Variants in DDAH1 observed in about 807,000 individuals in gnomAD.
DDAH1 encodes the protein dimethylarginine dimethylaminohydrolase 1, also known as N(G),N(G)-dimethylarginine dimethylaminohydrolase 1.
A neutral mutation model predicts 28.8 loss-of-function variants in DDAH1; 19 were observed. The ratio of observed to expected loss-of-function variants is 0.66; its 90% CI spans 0.46 to 0.97. The LOEUF (loss-of-function observed/expected upper bound fraction) is 0.97, where lower values mean the gene tolerates loss of function less well. DDAH1 is among the 50% of genes least tolerant of loss of function. The probability of loss-of-function intolerance (pLI) is 0.00; values close to 1 mark genes in which losing one functional copy is unlikely to be tolerated. For missense variants in DDAH1, 326 were observed against 375.9 expected, an observed-to-expected ratio of 0.87 and a Z score of 1.10; for synonymous variants, 153 against 154.4, an observed-to-expected ratio of 0.99 and a Z score of 0.07.
At chr1:85,378,625 T>C (rs1570457352) in intron 1 of DDAH1, among the ~76,000 whole-genome samples, 1 of 152,170 alleles carries the variant, frequency 6.6e-6, no homozygotes, top group East Asian at 1.9e-4. Context: ...CCCAGGCTGG[T>C]CTAGAATTCC....
At position 85,377,921 on chromosome 1, in the gene DDAH1, T is replaced by C. The variant is rs148824471; in HGVS notation, c.304-19074A>G. Among the ~76,000 whole-genome samples, 201 of 152,338 alleles carry C rather than the reference T, an allele frequency of 1.3e-3. No individual in the cohort carries two copies. In the Middle Eastern group the frequency reaches 0.014, roughly 10 times the overall value. On this transcript the variant is annotated intron_variant, in intron 1 of 5. Coordinates refer to ENST00000284031, the MANE Select transcript of DDAH1 (RefSeq NM_012137.4). ...TATTTGATCTCTAATTTCTGACAGC[T>C]GAACACTTGGCAAATGTATATATAA...
At chr1:85,505,043 T>C (rs1557701258) in intron 1 of DDAH1, among the ~76,000 whole-genome samples, 1 of 132,138 alleles carries the variant, frequency 7.6e-6, no homozygotes, top group Admixed American at 9.1e-5. Flanking sequence ...TGGAGTGCAA[T>C]GGCGTGATCT....
At chr1:85,549,668 A>C (rs1201411732) in intron 1 of DDAH1, among the ~76,000 whole-genome samples, 2 of 152,224 alleles carry the variant, frequency 1.3e-5, no homozygotes, top group Non-Finnish European at 2.9e-5. Flanking sequence ...CGTTTTTAAA[A>C]CTTCCATCAG....
intron 1 of DDAH1, among the ~76,000 whole-genome samples, chr1:85,569,059 G>A (rs984629569): frequency 2.6e-5 from 4 of 152,168 alleles, no homozygotes; most frequent in African/African-American, 9.7e-5. Flanking sequence ...AGGCCTGTGT[G>A]AACTCCCCAA....
chr1:85,536,831 A>G (rs1459680309), intron 1 of DDAH1, among the ~76,000 whole-genome samples: 1 of 151,738 alleles, frequency 6.6e-6, no homozygotes, highest in African/African-American at 2.4e-5. Flanking sequence ...AGGAAATGAA[A>G]TCAGTTATGA....
chr1:85,523,077 A>C (rs1266244627), intron 1 of DDAH1, among the ~76,000 whole-genome samples: 1 of 151,470 alleles, frequency 6.6e-6, no homozygotes, highest in Non-Finnish European at 1.5e-5. Flanking sequence ...GAGGAGTTGC[A>C]GGGATACCAA....
intron 1 of DDAH1, among the ~76,000 whole-genome samples, chr1:85,428,219 C>T (rs1232537731): frequency 6.6e-6 from 1 of 152,134 alleles, no homozygotes; most frequent in Non-Finnish European, 1.5e-5. Context: ...CGGCATTAGT[C>T]TTCTCTCACG....
At chr1:85,388,507 T>C (rs192810287) in intron 1 of DDAH1, among the ~76,000 whole-genome samples, 9 of 152,266 alleles carry the variant, frequency 5.9e-5, no homozygotes, top group African/African-American at 1.9e-4. Context: ...AAAAATGCAA[T>C]TGGAATCATA....
In DDAH1 at chr1:85,452,653, A is replaced by G. The variant is rs140131113; in HGVS notation, c.303+12090T>C. 3.7e-3 allele frequency among the ~76,000 whole-genome samples: 569 copies of G among 152,280 alleles called. 3 individuals carry two copies. The highest frequency in any genetic ancestry group is 5.9e-3 in the Non-Finnish European group (400 of 68,018). On this transcript the variant is annotated intron_variant, in intron 1 of 5. Coordinates refer to ENST00000284031, the MANE Select transcript of DDAH1 (RefSeq NM_012137.4). ...AGTAAAAGAACAAACTCATAGTGTT[A>G]TAGGAGCTCCCCTAAAAAAGGAAGG...
intron 1 of DDAH1, among the ~76,000 whole-genome samples, chr1:85,409,281 T>C (rs1165531964): frequency 6.6e-6 from 1 of 152,190 alleles, no homozygotes; most frequent in Non-Finnish European, 1.5e-5. Context: ...GTGTGAACTA[T>C]TGCAGGAACC....
intron 1 of DDAH1, among the ~76,000 whole-genome samples, chr1:85,363,863 T>G (rs1375271405): frequency 6.6e-6 from 1 of 152,058 alleles, no homozygotes; most frequent in African/African-American, 2.4e-5. Flanking sequence ...TATTTTGTCA[T>G]GTGAATAACA....
chr1:85,551,709 A>G (rs1658797474), intron 1 of DDAH1, among the ~76,000 whole-genome samples: 1 of 152,242 alleles, frequency 6.6e-6, no homozygotes. Flanking sequence ...ATGTTATGAC[A>G]GAAGAGAGAA....
intron 1 of DDAH1, among the ~76,000 whole-genome samples, chr1:85,393,701 T>G (rs142982031): frequency 1.2e-4 from 19 of 152,334 alleles, no homozygotes; most frequent in East Asian, 1.2e-3. Context: ...TCTTGTCTTA[T>G]GGGGTCTTAA....
Position 85,403,229 on chromosome 1 carries a change from ATATG to A in DDAH1, c.304-44386_304-44383del, listed in dbSNP as rs1366767797. Among the ~76,000 whole-genome samples the A allele has an allele frequency of 7.0e-4, 41 of 58,776 alleles. No individual in the cohort carries two copies. In the South Asian group the frequency reaches 9.8e-3, roughly 14 times the overall value. The allele number at this position is 58,776 out of a possible 152,430, so 38.6% of individuals were successfully genotyped here. On this transcript the variant is annotated intron_variant, in intron 1 of 5. Coordinates refer to ENST00000284031, the MANE Select transcript of DDAH1 (RefSeq NM_012137.4). ...TATATATGAATATGTATGTGAATATATATGTGTGTATATATACACACACACATGC... is the reference window on the plus strand; with the variant it reads ...TATATATGAATATGTATGTGAATATATGTGTATATATACACACACACATGC...
At chr1:85,410,344 G>A (rs1652592241) in intron 1 of DDAH1, among the ~76,000 whole-genome samples, 1 of 150,162 alleles carries the variant, frequency 6.7e-6, no homozygotes, top group Non-Finnish European at 1.5e-5. Context: ...CTCTTTTTGA[G>A]AAAAAGGAAA....
chr1:85,416,519 A>T (rs1652894556), intron 1 of DDAH1, among the ~76,000 whole-genome samples: 1 of 152,174 alleles, frequency 6.6e-6, no homozygotes, highest in Admixed American at 6.5e-5. Flanking sequence ...GACTAGTTTG[A>T]TTATCTGCAG....
chr1:85,364,773 A>C (rs1649977891), intron 1 of DDAH1, among the ~76,000 whole-genome samples: 1 of 151,986 alleles, frequency 6.6e-6, no homozygotes, highest in Non-Finnish European at 1.5e-5. Flanking sequence ...CGAACTCCTG[A>C]CCTTAGGTGT....
At chr1:85,391,402 G>A (rs1479285430) in intron 1 of DDAH1, among the ~76,000 whole-genome samples, 1 of 152,178 alleles carries the variant, frequency 6.6e-6, no homozygotes, top group African/African-American at 2.4e-5. Flanking sequence ...AGGAGTTTGA[G>A]GCTGCAGTGA....
upstream of DDAH1, among the ~76,000 whole-genome samples, chr1:85,470,107 T>C (rs1475775090): frequency 6.6e-6 from 1 of 152,218 alleles, no homozygotes; most frequent in African/African-American, 2.4e-5. Flanking sequence ...AGATTTACTT[T>C]CATAGGAGAC....
Sources: allele counts gnomAD v4.1 joint callset (sites outside exome capture counted in the v4.1 genomes callset), GRCh38; gene constraint gnomAD v4.1.1; transcripts MANE v1.5; gene names NCBI Gene and HGNC (gene_info 2026-07-23, HGNC 2026-07-21).